The following PDLIM7 variants were observed in gnomAD, a reference collection of about 807,000 sequenced individuals.
PDLIM7 encodes the protein PDZ and LIM domain protein 7.
A neutral mutation model predicts 53.9 loss-of-function variants in PDLIM7; 37 were observed. The observed-to-expected ratio is 0.69, with a 90% CI of 0.53 to 0.90. PDLIM7 has a LOEUF of 0.90. Ranked by LOEUF, PDLIM7 falls within the 40% of genes least tolerant of loss-of-function variation. The pLI is 0.00. For synonymous variants in PDLIM7, 300 were observed against 261.3 expected, an observed-to-expected ratio of 1.15 and a Z score of -1.43; for missense variants, 617 against 638.5, an observed-to-expected ratio of 0.97 and a Z score of 0.36.
At chr5:177,492,365 C>G in intron 4 of PDLIM7, 40 bp downstream of exon 4, 1 of 1,609,334 alleles carries the variant, frequency 6.2e-7, no homozygotes, top group Non-Finnish European at 8.5e-7. Flanking sequence ...CGTCCAAGCC[C>G]ACACCGCCCA....
chr5:177,490,820 G>A (rs1320407661), intron 7 of PDLIM7, 50 bp downstream of exon 7: 1 of 1,602,926 alleles, frequency 6.2e-7, no homozygotes, highest in Non-Finnish European at 8.5e-7. Flanking sequence ...GGCAGTAGCT[G>A]GAATGGAAGA....
chr5:177,490,171 C>A, intron 7 of PDLIM7: 1 of 1,445,556 alleles, frequency 6.9e-7, no homozygotes, highest in Non-Finnish European at 9.2e-7. Flanking sequence ...AGGGCCCAAA[C>A]AGTCCGAACC....
chr5:177,494,102 C>T (rs970859559), intron 2 of PDLIM7, among the ~76,000 whole-genome samples: 1 of 152,204 alleles, frequency 6.6e-6, no homozygotes, highest in Non-Finnish European at 1.5e-5. Context: ...TTATTGAGCA[C>T]CAACTATGCT....
intron 10 of PDLIM7, among the ~76,000 whole-genome samples, chr5:177,486,421 A>C (rs985731984): frequency 2.0e-5 from 3 of 152,120 alleles, no homozygotes; most frequent in African/African-American, 7.2e-5. Context: ...TGAGGCCCAG[A>C]GAGAGCAACT....
At chr5:177,490,110 A>G in intron 7 of PDLIM7, 1 of 1,516,322 alleles carries the variant, frequency 6.6e-7, no homozygotes, top group African/African-American at 1.4e-5. Context: ...CTGTGATGGC[A>G]GGGCAGGGCC....
chr5:177,490,600 G>C (rs747722751), intron 7 of PDLIM7: 11 of 1,546,948 alleles, frequency 7.1e-6, no homozygotes, highest in Non-Finnish European at 9.6e-6. Context: ...TTCCCTGAGG[G>C]GCAGAGAGAG....
Position 177,488,216 on chromosome 5 carries a change from T to G in PDLIM7, c.902A>C (p.Tyr301Ser). Residue 301 changes from tyrosine (Y) to serine (S), a missense_variant, in exon 10 of 13, where the codon TAC becomes TCC. Physicochemically the swap from Tyr to Ser is moderately radical, Grantham distance 144 (BLOSUM62 -2). Coordinates refer to ENST00000355841, the MANE Select transcript of PDLIM7 (RefSeq NM_005451.5). ...GCTACACACAAACTCCTCCGGGTGGTACGCGTGGCCCAGCGCCACCAGGTA... is the reference window on the plus strand; with the variant it reads ...GCTACACACAAACTCCTCCGGGTGGGACGCGTGGCCCAGCGCCACCAGGTA... ...GRYLVALGHAYHPEEFVCSQC... is the reference protein window; with the variant it reads ...GRYLVALGHASHPEEFVCSQC... The G allele has an allele frequency of 6.2e-7, 1 of 1,610,886 alleles. No homozygotes were observed. The highest frequency in any genetic ancestry group is 1.7e-4 in the Middle Eastern group (1 of 6,046).
At chr5:177,496,830 C>T (rs1256871981) in intron 1 of PDLIM7, 1 of 200,188 alleles carries the variant, frequency 5.0e-6, no homozygotes, top group Non-Finnish European at 1.0e-5. Flanking sequence ...CGCGGCCTCC[C>T]CCCAAGCCAG....
chr5:177,488,867 G>A (rs949336345), intron 9 of PDLIM7, among the ~76,000 whole-genome samples: 13 of 151,340 alleles, frequency 8.6e-5, no homozygotes, highest in African/African-American at 3.2e-4. Context: ...GCCAACGTGG[G>A]CAACACAGTG....
At chr5:177,484,034 C>T (rs746356222) in intron 11 of PDLIM7, 36 bp downstream of exon 11, 3 of 1,613,510 alleles carry the variant, frequency 1.9e-6, no homozygotes, top group Admixed American at 1.7e-5. Context: ...CTGCCCCATG[C>T]ACCATCCCTC....
intron 4 of PDLIM7, 114 bp downstream of exon 4, chr5:177,492,291 G>T: frequency 7.3e-7 from 1 of 1,367,202 alleles, no homozygotes; most frequent in Non-Finnish European, 1.0e-6. Flanking sequence ...TCCGGTTTCT[G>T]CCCTCCACTC....
At chr5:177,491,464 G>A (rs1350156608) in intron 5 of PDLIM7, 46 of 1,455,476 alleles carry the variant, frequency 3.2e-5, no homozygotes, top group Middle Eastern at 3.5e-4. Context: ...GGGACAAAGG[G>A]ACAGACACAG....
chr5:177,489,982 A>C, intron 7 of PDLIM7, 150 bp from the exon 8 acceptor site: 7 of 1,535,582 alleles, frequency 4.6e-6, no homozygotes, highest in Non-Finnish European at 6.1e-6. Context: ...TAGGGATGGG[A>C]AGGGCAGCTT....
In PDLIM7 at chr5:177,492,522, A is replaced by T; in HGVS notation, c.248+4T>A. On this transcript the variant is annotated splice_donor_region_variant and intron_variant, in intron 3 of 12. Transcript: ENST00000355841. ...GGCGCACCCATCCATGTCCACCCGC[A>T]TACCTGCTGAGGCCCAGGCTGAGGC... The T allele has an allele frequency of 6.2e-7, 1 of 1,613,748 alleles. No individual in the cohort carries two copies. The highest frequency in any genetic ancestry group is 8.5e-7 in the Non-Finnish European group (1 of 1,179,776).
At chr5:177,487,835 T>C (rs992442145) in intron 10 of PDLIM7, 6 of 392,838 alleles carry the variant, frequency 1.5e-5, no homozygotes, top group Non-Finnish European at 2.3e-5. Flanking sequence ...GGGCTTCTCC[T>C]GGCTTGGTCC....
At chr5:177,486,757 G>A (rs1230659496) in intron 10 of PDLIM7, among the ~76,000 whole-genome samples, 2 of 151,984 alleles carry the variant, frequency 1.3e-5, no homozygotes, top group Non-Finnish European at 2.9e-5. Context: ...TCCTGCCTCA[G>A]CCTCCCGAGT....
chr5:177,490,526 A>G, intron 7 of PDLIM7: 2 of 1,565,256 alleles, frequency 1.3e-6, no homozygotes, highest in Non-Finnish European at 1.7e-6. Flanking sequence ...ACGTGGGCAG[A>G]GCGCTGGTGG....
At chr5:177,490,763 A>AGGG (rs1554106280) in intron 7 of PDLIM7, 107 bp downstream of exon 7, 24 of 628,530 alleles carry the variant, frequency 3.8e-5, no homozygotes, top group South Asian at 1.3e-4. Flanking sequence ...GGAAGGAAGG[A>AGGG]AGGGAGAATT....
At chr5:177,490,386 G>T in intron 7 of PDLIM7, 2 of 1,480,782 alleles carry the variant, frequency 1.4e-6, no homozygotes, top group Non-Finnish European at 1.8e-6. Context: ...CAGGCCAGGG[G>T]CACGAAAGGG....
Sources: allele counts gnomAD v4.1 joint callset (sites outside exome capture counted in the v4.1 genomes callset), GRCh38; gene constraint gnomAD v4.1.1; transcripts MANE v1.5; gene names NCBI Gene and HGNC (gene_info 2026-07-23, HGNC 2026-07-21).